MARCHF4: variants seen among roughly 807,000 people sequenced by gnomAD.
MARCHF4 encodes E3 ubiquitin-protein ligase MARCHF4.
MARCHF4 carries 14 observed loss-of-function variants against 43.9 expected under a neutral mutation model. That is an observed-to-expected ratio of 0.32 (90% CI 0.21 to 0.50). The LOEUF (loss-of-function observed/expected upper bound fraction) is 0.50. Ranked by LOEUF, MARCHF4 falls within the 20% of genes least tolerant of loss-of-function variation. The pLI is 0.98. For synonymous variants in MARCHF4, 226 were observed against 213.3 expected (o/e 1.06, Z -0.52); for missense variants, 468 against 536.7 (o/e 0.87, Z 1.27).
At position 216,372,439 on chromosome 2, in the gene MARCHF4, G is replaced by C. The variant is rs989290579; in HGVS notation, c.-2179C>G. ...ATGGAGGAGGGAAAGGGGATGAGAGGAAAAGAAGCTGGAGGGAGAGGGAGC... is the reference window on the plus strand; with the variant it reads ...ATGGAGGAGGGAAAGGGGATGAGAGCAAAAGAAGCTGGAGGGAGAGGGAGC... On this transcript the variant is annotated 5_prime_UTR_variant, in exon 1 of 4. Transcript: ENST00000273067. 1.3e-5 allele frequency among the ~76,000 whole-genome samples: 2 copies of C among 152,114 alleles called. No individual in the cohort carries two copies. Among genetic ancestry groups the C allele is most frequent in the African/African-American group, 4.8e-5 (2 of 41,432 alleles).
chr2:216,264,542 G>T (rs1374840093), intron 3 of MARCHF4, among the ~76,000 whole-genome samples: 3 of 152,180 alleles, frequency 2.0e-5, no homozygotes, highest in Non-Finnish European at 4.4e-5. Context: ...CTTTTCTCCA[G>T]ACTGTAATCC....
intron 1 of MARCHF4, among the ~76,000 whole-genome samples, chr2:216,341,638 G>A (rs1282926406): frequency 6.6e-6 from 1 of 152,232 alleles, no homozygotes; most frequent in Non-Finnish European, 1.5e-5. Context: ...TCTCAAAGCT[G>A]AGGACTGAAG....
intron 1 of MARCHF4, among the ~76,000 whole-genome samples, chr2:216,302,904 A>G (rs1215301915): frequency 7.2e-5 from 6 of 83,678 alleles, no homozygotes; most frequent in African/African-American, 1.4e-4. Flanking sequence ...TATCAAAAAA[A>G]AAAAAAAAAA....
intron 1 of MARCHF4, among the ~76,000 whole-genome samples, chr2:216,360,820 T>A (rs1184354989): frequency 6.6e-6 from 1 of 152,096 alleles, no homozygotes; most frequent in Admixed American, 6.5e-5. Flanking sequence ...TGGTGGGATT[T>A]TTTTTGCTTT....
Position 216,267,469 on chromosome 2 carries a change from G to T in MARCHF4, c.866-7790C>A, listed in dbSNP as rs944070234. On this transcript the variant is annotated intron_variant, in intron 3 of 3. Transcript: ENST00000273067. ...GACTCAGCAGCCCAAGGGGCCTGTG[G>T]AGCCCAGAGATGGAAGGAGTTTGGG... 1.3e-5 allele frequency among the ~76,000 whole-genome samples: 2 copies of T among 152,308 alleles called. 1 individual carries two copies. Among genetic ancestry groups the T allele is most frequent in the South Asian group, 4.1e-4 (2 of 4,824 alleles).
intron 1 of MARCHF4, among the ~76,000 whole-genome samples, chr2:216,322,421 T>G (rs1691911492): frequency 6.6e-6 from 1 of 152,248 alleles, no homozygotes; most frequent in South Asian, 2.1e-4. Flanking sequence ...ATCAGTGACC[T>G]TCAGGGGACC....
intron 1 of MARCHF4, among the ~76,000 whole-genome samples, chr2:216,340,288 T>A (rs1049246539): frequency 3.3e-5 from 5 of 152,118 alleles, no homozygotes; most frequent in African/African-American, 1.2e-4. Context: ...GGGGGTGGAA[T>A]TCCCCATCTG....
chr2:216,294,440 C>G (rs542848248), intron 1 of MARCHF4, among the ~76,000 whole-genome samples: 1 of 152,354 alleles, frequency 6.6e-6, no homozygotes, highest in East Asian at 1.9e-4. Flanking sequence ...ACAAGTTACA[C>G]TTCACTAATG....
intron 3 of MARCHF4, among the ~76,000 whole-genome samples, chr2:216,272,802 C>T (rs992196279): frequency 1.3e-5 from 2 of 152,212 alleles, no homozygotes; most frequent in Non-Finnish European, 2.9e-5. Context: ...CTAAGAGATG[C>T]TTTGTCTGTC....
intron 3 of MARCHF4, among the ~76,000 whole-genome samples, chr2:216,266,686 C>T (rs903938212): frequency 6.6e-6 from 1 of 152,164 alleles, no homozygotes; most frequent in Non-Finnish European, 1.5e-5. Context: ...TTGCCAACCA[C>T]CCATCTTCCA....
At chr2:216,356,049 T>C (rs1205351619) in intron 1 of MARCHF4, among the ~76,000 whole-genome samples, 1 of 152,162 alleles carries the variant, frequency 6.6e-6, no homozygotes, top group Non-Finnish European at 1.5e-5. Flanking sequence ...CTCTTATTGC[T>C]CCATAGAGGC....
chr2:216,259,725 T>C, intron 3 of MARCHF4, 46 bp from the exon 4 acceptor site: 2 of 1,574,002 alleles, frequency 1.3e-6, no homozygotes, highest in Non-Finnish European at 8.7e-7. Flanking sequence ...TGAGAGGAAG[T>C]GGGTCACGGC....
intron 1 of MARCHF4, among the ~76,000 whole-genome samples, chr2:216,369,115 A>G (rs1227181550): frequency 6.6e-6 from 1 of 152,208 alleles, no homozygotes; most frequent in African/African-American, 2.4e-5. Flanking sequence ...CCTGTTTTCA[A>G]CATAGAAAAA....
At chr2:216,309,352 C>G (rs1020436876) in intron 1 of MARCHF4, among the ~76,000 whole-genome samples, 1 of 152,188 alleles carries the variant, frequency 6.6e-6, no homozygotes, top group African/African-American at 2.4e-5. Context: ...ATTACCATGG[C>G]AGCTGGTATA....
At chr2:216,322,840 T>A (rs1210750223) in intron 1 of MARCHF4, among the ~76,000 whole-genome samples, 1 of 152,036 alleles carries the variant, frequency 6.6e-6, no homozygotes, top group Non-Finnish European at 1.5e-5. Flanking sequence ...AAAGAACCGG[T>A]CTCAAGATAC....
intron 1 of MARCHF4, among the ~76,000 whole-genome samples, chr2:216,331,039 T>C (rs1053073384): frequency 2.0e-5 from 3 of 151,906 alleles, no homozygotes; most frequent in African/African-American, 7.2e-5. Context: ...AGTAATGAAA[T>C]AGAAAACAAA....
At chr2:216,295,587 C>G (rs986991211) in intron 1 of MARCHF4, among the ~76,000 whole-genome samples, 2 of 152,196 alleles carry the variant, frequency 1.3e-5, no homozygotes, top group Non-Finnish European at 2.9e-5. Flanking sequence ...CCCACCTATC[C>G]ATACTTCATC....
At chr2:216,295,780 T>C (rs1303580987) in intron 1 of MARCHF4, among the ~76,000 whole-genome samples, 4 of 152,220 alleles carry the variant, frequency 2.6e-5, no homozygotes, top group Admixed American at 6.5e-5. Flanking sequence ...GTGTGGGTAA[T>C]AACTATGCTG....
intron 1 of MARCHF4, among the ~76,000 whole-genome samples, chr2:216,300,307 T>C (rs1389597169): frequency 6.9e-6 from 1 of 144,070 alleles, no homozygotes; most frequent in Non-Finnish European, 1.5e-5. Flanking sequence ...TAAATGCATA[T>C]ATATATGTGC....
Sources: gnomAD v4.1 joint callset for allele counts (sites outside exome capture counted in the v4.1 genomes callset) on GRCh38, gnomAD v4.1.1 for gene constraint, MANE v1.5 for transcripts, NCBI Gene and HGNC (gene_info 2026-07-23, HGNC 2026-07-21) for gene names.